Variants in LRRC1 observed in about 807,000 individuals in gnomAD.
The protein encoded by LRRC1 is leucine-rich repeat-containing protein 1.
LRRC1 carries 28 observed loss-of-function variants against 69.9 expected under a neutral mutation model. The observed-to-expected ratio is 0.40, with a 90% confidence interval of 0.30 to 0.55. The LOEUF is 0.55. LRRC1 is among the 20% of genes least tolerant of loss of function. The probability of loss-of-function intolerance (pLI) is 0.47; values close to 1 mark genes in which losing one functional copy is unlikely to be tolerated. For synonymous variants in LRRC1, 236 were observed against 240.2 expected (o/e 0.98, Z 0.16); for missense variants, 498 against 609.0 (o/e 0.82, Z 1.92).
intron 2 of LRRC1, among the ~76,000 whole-genome samples, chr6:53,861,747 T>C (rs1766532779): frequency 6.6e-6 from 1 of 151,864 alleles, no homozygotes; most frequent in African/African-American, 2.4e-5. Context: ...ACCTTCTCTG[T>C]GTGTTACCCA....
At chr6:53,816,316 G>T (rs1260863804) in intron 1 of LRRC1, among the ~76,000 whole-genome samples, 1 of 151,942 alleles carries the variant, frequency 6.6e-6, no homozygotes, top group African/African-American at 2.4e-5. Context: ...TTTAGTCTTG[G>T]ACTATAAAAT....
chr6:53,883,083 A>G, intron 4 of LRRC1, 107 bp downstream of exon 4: 1 of 673,040 alleles, frequency 1.5e-6, no homozygotes, highest in South Asian at 1.8e-5. Context: ...TCAGAAAGCC[A>G]TTTACTCATT....
At chr6:53,810,016 C>T (rs142983951) in intron 1 of LRRC1, among the ~76,000 whole-genome samples, 237 of 152,276 alleles carry the variant, frequency 1.6e-3, no homozygotes, top group African/African-American at 5.4e-3. Context: ...CAGTGTCTGG[C>T]TTTTTTATTT....
At chr6:53,813,535 G>GT (rs1357228100) in intron 1 of LRRC1, among the ~76,000 whole-genome samples, 1 of 76,268 alleles carries the variant, frequency 1.3e-5, no homozygotes, top group African/African-American at 4.3e-5. Flanking sequence ...CTGGCTCAGT[G>GT]GTTTTTTTTT....
At chr6:53,911,654 C>T (rs552910216) in intron 10 of LRRC1, among the ~76,000 whole-genome samples, 2 of 152,348 alleles carry the variant, frequency 1.3e-5, no homozygotes, top group South Asian at 4.1e-4. Context: ...TCCTTCAGGG[C>T]ATGCAGCCGT....
At chr6:53,911,597 C>T (rs1461409327) in intron 10 of LRRC1, among the ~76,000 whole-genome samples, 3 of 152,206 alleles carry the variant, frequency 2.0e-5, no homozygotes, top group Non-Finnish European at 4.4e-5. Flanking sequence ...TAGATCAGGA[C>T]GCTAGCGGGG....
chr6:53,870,969 T>C lies in LRRC1; in HGVS notation c.278-8024T>C, dbSNP rs1766863250. 2.6e-5 allele frequency among the ~76,000 whole-genome samples: 4 copies of C among 152,332 alleles called. No homozygotes were observed. The South Asian group carries it at 8.3e-4, about 32-fold the overall frequency. On this transcript the variant is annotated intron_variant, in intron 2 of 13. Coordinates refer to ENST00000370888, the MANE Select transcript of LRRC1 (RefSeq NM_018214.5). ...CTATGTTGTCTCAAATGACATTGAT[T>C]TCATTCTTTTTTTATGGCTGAATAG... is the stretch of plus-strand genomic sequence containing the variant.
intron 1 of LRRC1, among the ~76,000 whole-genome samples, chr6:53,805,894 A>G (rs1581841650): frequency 6.6e-6 from 1 of 152,326 alleles, no homozygotes; most frequent in East Asian, 1.9e-4. Context: ...CACCAGCAGG[A>G]TACAGTCTGG....
chr6:53,832,411 A>C (rs946963840), intron 1 of LRRC1, among the ~76,000 whole-genome samples: 1 of 152,148 alleles, frequency 6.6e-6, no homozygotes, highest in Non-Finnish European at 1.5e-5. Context: ...TGTTGTTGCT[A>C]TTAGTTTGGA....
intron 10 of LRRC1, among the ~76,000 whole-genome samples, chr6:53,908,714 A>AC (rs1768315885): frequency 6.6e-6 from 1 of 152,278 alleles, no homozygotes; most frequent in African/African-American, 2.4e-5. Flanking sequence ...GGGCAGGGAG[A>AC]CATTTAAGGC....
intron 1 of LRRC1, among the ~76,000 whole-genome samples, chr6:53,841,353 G>T (rs954098779): frequency 6.6e-6 from 1 of 152,140 alleles, no homozygotes; most frequent in Admixed American, 6.5e-5. Context: ...CGCCCCACAG[G>T]CTTAAATTTC....
chr6:53,923,876 A>C lies in LRRC1; in HGVS notation c.*1083A>C, dbSNP rs560674034. On this transcript the variant is annotated 3_prime_UTR_variant, in exon 14 of 14. Coordinates refer to ENST00000370888, the MANE Select transcript of LRRC1 (RefSeq NM_018214.5). ...CTACTATCAAAATAGAAATGTTGCT[A>C]TCTTTATAAGTGCAATTTAATTTGT... 1.3e-5 allele frequency: 2 copies of C among 152,666 alleles called. No individual in the cohort carries two copies. Among genetic ancestry groups the C allele is most frequent in the Non-Finnish European group, 2.9e-5 (2 of 68,044 alleles). 9.5% of individuals were successfully genotyped at this position (152,666 alleles called of 1,614,324 possible). A position where few individuals can be genotyped will look rare whatever the true frequency, so the allele number is the denominator to read the frequency against.
At chr6:53,857,537 AACTTGAGTAAGAG>A (rs1349551819) in intron 2 of LRRC1, among the ~76,000 whole-genome samples, 7 of 152,352 alleles carry the variant, frequency 4.6e-5, no homozygotes, top group African/African-American at 1.4e-4. Flanking sequence ...GGTGAAAAGA[AACTTGAGTAAGAG>A]ACTGGGAAGC....
rs1581907836 is a variant in LRRC1 at position 53,897,171 on chromosome 6, T to C, written c.568-114T>C. ...GGCTGGATGTTAAGAGAAGTACCAG[T>C]GAACATCTGCTAAGGTACCCAGTTG... On this transcript the variant is annotated intron_variant, in intron 6 of 13. Coordinates refer to ENST00000370888, the MANE Select transcript of LRRC1 (RefSeq NM_018214.5). The C allele has an allele frequency of 5.7e-6, 4 of 707,056 alleles. No homozygotes were observed. The African/African-American group carries it at 7.2e-5, about 13-fold the overall frequency. The allele number at this position is 707,056 out of a possible 1,614,324, so 43.8% of individuals were successfully genotyped here.
intron 12 of LRRC1, 82 bp downstream of exon 12, chr6:53,919,752 C>G: frequency 7.9e-7 from 1 of 1,265,956 alleles, no homozygotes. Flanking sequence ...CTCTTACTCC[C>G]TCATGTGATT....
chr6:53,856,580 T>C (rs140161762), intron 2 of LRRC1, among the ~76,000 whole-genome samples: 106 of 152,250 alleles, frequency 7.0e-4, no homozygotes, highest in Middle Eastern at 3.4e-3. Context: ...AACATGAATG[T>C]GTGTCTGAAG....
intron 2 of LRRC1, among the ~76,000 whole-genome samples, chr6:53,860,387 A>G (rs935843582): frequency 5.9e-5 from 9 of 152,256 alleles, no homozygotes; most frequent in African/African-American, 2.2e-4. Flanking sequence ...GTTTAAATGT[A>G]TTAGAAATAT....
intron 10 of LRRC1, among the ~76,000 whole-genome samples, chr6:53,905,716 A>G (rs1012381862): frequency 6.6e-6 from 1 of 152,146 alleles, no homozygotes. Flanking sequence ...TGTTCGGCCC[A>G]CAGTGTCCCA....
chr6:53,918,589 G>C (rs1400719471), intron 11 of LRRC1, among the ~76,000 whole-genome samples: 1 of 151,968 alleles, frequency 6.6e-6, no homozygotes, highest in African/African-American at 2.4e-5. Context: ...TGTAAGTTCT[G>C]TCAATTGAAA....
Sources: allele counts gnomAD v4.1 joint callset (sites outside exome capture counted in the v4.1 genomes callset), GRCh38; gene constraint gnomAD v4.1.1; transcripts MANE v1.5; gene names NCBI Gene and HGNC (gene_info 2026-07-23, HGNC 2026-07-21).